CSMD3: variants seen among roughly 807,000 people sequenced by gnomAD.
CSMD3 encodes CUB and sushi domain-containing protein 3.
CSMD3 carries 177 observed loss-of-function variants against 435.2 expected under a neutral mutation model. That is an observed-to-expected ratio of 0.41 (90% CI 0.36 to 0.46). The LOEUF is 0.46. Among genes scored for constraint, CSMD3 ranks in the 20% least tolerant of loss-of-function variants. CSMD3 has a pLI of 0.34. For synonymous variants in CSMD3, 1,656 were observed against 1,520.5 expected (o/e 1.09, Z -2.07); for missense variants, 4,265 against 4,504.6 (o/e 0.95, Z 1.52).
rs565347032 is a variant in CSMD3, at chr8:113,376,475, G to T, written c.178+60202C>A. On this transcript the variant is annotated intron_variant, in intron 1 of 70. Coordinates refer to ENST00000297405, the MANE Select transcript of CSMD3 (RefSeq NM_198123.2). ...TCATTTCATTCAAAAACTGGGAGGTGAGGGGTTGGAATGTACAAGACACTT... is the reference window on the plus strand; with the variant it reads ...TCATTTCATTCAAAAACTGGGAGGTTAGGGGTTGGAATGTACAAGACACTT... Among the ~76,000 whole-genome samples the T allele has an allele frequency of 1.1e-4, 16 of 152,208 alleles. No homozygotes were observed. In the South Asian group the frequency reaches 3.3e-3, roughly 32 times the overall value.
chr8:112,927,653 T>C (rs1232862960), intron 9 of CSMD3, among the ~76,000 whole-genome samples: 1 of 152,136 alleles, frequency 6.6e-6, no homozygotes, highest in Non-Finnish European at 1.5e-5. Context: ...TAAGCTTTGT[T>C]AGATATTACA....
chr8:113,095,721 C>G (rs1334619460), intron 5 of CSMD3, among the ~76,000 whole-genome samples: 2 of 152,034 alleles, frequency 1.3e-5, no homozygotes, highest in Admixed American at 6.6e-5. Flanking sequence ...AGTTTAAAAA[C>G]TATGTACAAA....
intron 13 of CSMD3, among the ~76,000 whole-genome samples, chr8:112,695,262 C>T (rs1420087613): frequency 6.6e-6 from 1 of 152,060 alleles, no homozygotes; most frequent in African/African-American, 2.4e-5. Flanking sequence ...TAATATGTAA[C>T]GTTATAGAAA....
chr8:113,239,854 T>C (rs1254671990), intron 3 of CSMD3, among the ~76,000 whole-genome samples: 3 of 152,170 alleles, frequency 2.0e-5, no homozygotes, highest in Non-Finnish European at 2.9e-5. Flanking sequence ...GGTAGAAATC[T>C]GGATTTCAAA....
At chr8:113,246,456 T>C (rs944640403) in intron 3 of CSMD3, among the ~76,000 whole-genome samples, 3 of 152,150 alleles carry the variant, frequency 2.0e-5, no homozygotes, top group African/African-American at 7.2e-5. Flanking sequence ...TTATCTAATA[T>C]TCAGTGTGCA....
intron 12 of CSMD3, among the ~76,000 whole-genome samples, chr8:112,814,581 G>A (rs980160877): frequency 1.3e-5 from 2 of 152,080 alleles, no homozygotes; most frequent in Admixed American, 6.6e-5. Context: ...ACAGCAGTTC[G>A]AGACCAGCCT....
At chr8:112,433,654 C>CAAAAAAAAAA (rs35572894) in intron 32 of CSMD3, among the ~76,000 whole-genome samples, 43 of 93,112 alleles carry the variant, frequency 4.6e-4, no homozygotes, top group East Asian at 9.8e-4. Context: ...GAGAACCTGT[C>CAAAAAAAAAA]AAAAAAAAAA....
chr8:113,305,530 T>G (rs2132620377), intron 2 of CSMD3, among the ~76,000 whole-genome samples: 1 of 152,296 alleles, frequency 6.6e-6, no homozygotes, highest in East Asian at 1.9e-4. Context: ...GTGTTTAAAC[T>G]TGCTTATTGT....
At chr8:112,905,182 T>A (rs1375266693) in intron 10 of CSMD3, among the ~76,000 whole-genome samples, 1 of 151,306 alleles carries the variant, frequency 6.6e-6, no homozygotes, top group Non-Finnish European at 1.5e-5. Flanking sequence ...ACAGTGTGAA[T>A]AACATTTTAG....
intron 44 of CSMD3, 134 bp downstream of exon 44, chr8:112,336,518 G>A (rs1824570870): frequency 4.0e-6 from 3 of 747,686 alleles, no homozygotes; most frequent in Non-Finnish European, 6.9e-6. Context: ...GACACATACT[G>A]TCACCCTCAG....
chr8:113,158,516 T>G (rs1295810790), intron 4 of CSMD3, among the ~76,000 whole-genome samples: 1 of 152,100 alleles, frequency 6.6e-6, no homozygotes, highest in Non-Finnish European at 1.5e-5. Context: ...ATTTTCAAAT[T>G]CAGCTTGCAA....
intron 30 of CSMD3, among the ~76,000 whole-genome samples, chr8:112,492,935 G>A (rs1006802777): frequency 6.6e-6 from 1 of 151,996 alleles, no homozygotes; most frequent in Admixed American, 6.6e-5. Flanking sequence ...GTATGTGGGA[G>A]GATGTATATA....
At chr8:113,375,110 CA>C (rs1332836057) in intron 1 of CSMD3, among the ~76,000 whole-genome samples, 1 of 152,066 alleles carries the variant, frequency 6.6e-6, no homozygotes, top group East Asian at 1.9e-4. Flanking sequence ...TCCTCACCTA[CA>C]AAATCAATCT....
At chr8:112,337,783 C>T (rs762543601) in intron 42 of CSMD3, 52 bp from the exon 43 acceptor site, 1 of 1,433,336 alleles carries the variant, frequency 7.0e-7, no homozygotes, top group Non-Finnish European at 9.7e-7. Flanking sequence ...TCAGAGGCCA[C>T]AGATAGGGTA....
intron 22 of CSMD3, among the ~76,000 whole-genome samples, chr8:112,600,865 GACGGGGTTTC>G (rs1458679414): frequency 6.6e-6 from 1 of 152,004 alleles, no homozygotes; most frequent in Admixed American, 6.6e-5. Context: ...TTTTAGTAGA[GACGGGGTTTC>G]ACCGTGTTAG....
At chr8:113,077,842 T>G (rs1417710533) in intron 5 of CSMD3, among the ~76,000 whole-genome samples, 1 of 152,144 alleles carries the variant, frequency 6.6e-6, no homozygotes, top group Non-Finnish European at 1.5e-5. Flanking sequence ...TGAAACAGTA[T>G]GAAAATGAAA....
intron 70 of CSMD3, among the ~76,000 whole-genome samples, chr8:112,225,178 TATG>T (rs1276534874): frequency 6.6e-6 from 1 of 152,122 alleles, no homozygotes; most frequent in Non-Finnish European, 1.5e-5. Flanking sequence ...AAATAAATTA[TATG>T]ATGGCTATAA....
chr8:112,309,067 C>T (rs904390009), intron 50 of CSMD3, among the ~76,000 whole-genome samples: 7 of 151,842 alleles, frequency 4.6e-5, no homozygotes, highest in Non-Finnish European at 1.5e-5. Flanking sequence ...TATATTTTAT[C>T]ATTTTACTTC....
chr8:112,897,352 G>T (rs890393928), intron 10 of CSMD3, among the ~76,000 whole-genome samples: 8 of 151,202 alleles, frequency 5.3e-5, no homozygotes, highest in African/African-American at 1.9e-4. Context: ...TATATTTGTG[G>T]AATAAATTAA....
Sources: gnomAD v4.1 joint callset for allele counts (sites outside exome capture counted in the v4.1 genomes callset) on GRCh38, gnomAD v4.1.1 for gene constraint, MANE v1.5 for transcripts, NCBI Gene and HGNC (gene_info 2026-07-23, HGNC 2026-07-21) for gene names.